The following DOCK8 variants were observed in gnomAD, a reference collection of about 807,000 sequenced individuals.
DOCK8 encodes the protein dedicator of cytokinesis 8.
In DOCK8, 141 loss-of-function variants were observed where a neutral mutation model predicts 245.6. The observed-to-expected ratio is 0.57, with a 90% CI of 0.50 to 0.66. DOCK8 has a LOEUF of 0.66. Among genes scored for constraint, DOCK8 ranks in the 30% least tolerant of loss-of-function variants. DOCK8 has a pLI of 0.00. For synonymous variants in DOCK8, 1,168 were observed against 970.2 expected (o/e 1.20, Z -3.79); for missense variants, 2,965 against 2,603.4 (o/e 1.14, Z -3.02).
Position 332,456 on chromosome 9 carries a change from T to C in DOCK8, c.1103T>C (p.Ile368Thr). The change falls in exon 10 of 48, where the codon ATC (isoleucine) becomes ACC (threonine). Residue 368 changes from isoleucine to threonine, a missense_variant. Transcript: ENST00000432829. ...IGDCAEPYTV[I>T]KESDGGKSKE... The stretch of plus-strand genomic sequence containing the variant: ...GACTGTGCAGAGCCCTACACGGTTA[T>C]CAAAGAAAGTGATGGTGGAAAGGTA... 1 of 1,612,982 alleles carries C rather than the reference T, an allele frequency of 6.2e-7. No homozygotes were observed.
intron 1 of DOCK8, among the ~76,000 whole-genome samples, chr9:254,346 A>G (rs1318646584): frequency 1.3e-5 from 2 of 152,200 alleles, no homozygotes; most frequent in Non-Finnish European, 2.9e-5. Context: ...AACTCTTGCT[A>G]TCTCGTTACT....
chr9:273,048 C>T (rs1473697241), intron 2 of DOCK8: 1 of 985,226 alleles, frequency 1.0e-6, no homozygotes, highest in East Asian at 1.1e-4. Context: ...CGGTAACCGC[C>T]ATTTTGTCTC....
At chr9:442,953 G>A (rs972155305) in intron 42 of DOCK8, among the ~76,000 whole-genome samples, 2 of 152,230 alleles carry the variant, frequency 1.3e-5, no homozygotes, top group African/African-American at 4.8e-5. Flanking sequence ...GGGTGGCTGG[G>A]TGAGTTGCCC....
chr9:300,293 T>C (rs1320803889), intron 4 of DOCK8, among the ~76,000 whole-genome samples: 3 of 152,226 alleles, frequency 2.0e-5, no homozygotes, highest in African/African-American at 7.2e-5. Flanking sequence ...GTATAATTGC[T>C]AGTAGCTCTC....
chr9:418,327 A>G (rs371564953), intron 30 of DOCK8, 120 bp downstream of exon 30: 1 of 1,370,192 alleles, frequency 7.3e-7, no homozygotes, highest in African/African-American at 1.4e-5. Context: ...GCTGGAGTGC[A>G]GTGGCGCAAT....
intron 4 of DOCK8, among the ~76,000 whole-genome samples, chr9:302,737 T>A (rs2049612366): frequency 6.6e-6 from 1 of 152,018 alleles, no homozygotes; most frequent in African/African-American, 2.4e-5. Flanking sequence ...CCAAAAAATA[T>A]ATGAAAAAAT....
chr9:454,566 T>A (rs1165004070), intron 46 of DOCK8: 2 of 152,112 alleles, frequency 1.3e-5, no homozygotes, highest in Non-Finnish European at 2.9e-5. Flanking sequence ...TGCACCGGGT[T>A]CCTCTAAGTC....
Position 463,669 on chromosome 9 carries a change from G to C in DOCK8, c.6221G>C (p.Arg2074Thr), listed in dbSNP as rs375011475. ...CCAGAACTGTACAAGCCAATATTCA[G>C]AGTTGAGAGTCAAAAGAGGTAAGAA... is the stretch of plus-strand genomic sequence containing the variant. ...KIPELYKPIF[R>T]VESQKRDSFH... The change falls in exon 47 of 48, where the codon AGA (arginine) becomes ACA (threonine). Residue 2074 changes from arginine (R) to threonine (T), a missense_variant. Around this residue, in one of 3 missense-constraint regions of DOCK8, gnomAD observed 134 missense variants for 128.1 expected, o/e 1.05. Coordinates refer to ENST00000432829, the MANE Select transcript of DOCK8 (RefSeq NM_203447.4). 67 of 1,613,824 alleles carry C rather than the reference G, an allele frequency of 4.2e-5. No homozygotes were observed. The African/African-American group carries it at 8.5e-4, about 21-fold the overall frequency.
intron 1 of DOCK8, among the ~76,000 whole-genome samples, chr9:220,039 G>A (rs1001353488): frequency 6.6e-6 from 1 of 152,236 alleles, no homozygotes; most frequent in Non-Finnish European, 1.5e-5. Context: ...ATGTATAGAT[G>A]TGTATCTGCA....
intron 4 of DOCK8, among the ~76,000 whole-genome samples, chr9:295,743 C>G (rs1475711058): frequency 6.6e-6 from 1 of 152,162 alleles, no homozygotes; most frequent in Admixed American, 6.5e-5. Flanking sequence ...TAGAGATAGG[C>G]TTTTATGTCC....
chr9:369,037 C>G (rs1244648386), intron 15 of DOCK8: 1 of 151,990 alleles, frequency 6.6e-6, no homozygotes, highest in Non-Finnish European at 1.5e-5. Context: ...AACTCCTGAC[C>G]TCAGCTGATC....
In DOCK8 at chr9:334,400, G is replaced by C. The variant is rs1388714435; in HGVS notation, c.1285+16G>C. On this transcript the variant is annotated intron_variant, in intron 11 of 47. Transcript: ENST00000432829. ...TCTGTGGTTGGTAAGATTTTCACCTGCAGTGGGAAAGGGAGGGCTCCCCAG... is the reference window on the plus strand; with the variant it reads ...TCTGTGGTTGGTAAGATTTTCACCTCCAGTGGGAAAGGGAGGGCTCCCCAG... The C allele has an allele frequency of 1.9e-6, 3 of 1,610,710 alleles. No homozygotes were observed.
chr9:232,221 C>T (rs547610790), intron 1 of DOCK8, among the ~76,000 whole-genome samples: 1 of 152,284 alleles, frequency 6.6e-6, no homozygotes, highest in Non-Finnish European at 1.5e-5. Flanking sequence ...TATGTTGAAC[C>T]AGCCTTGCAT....
rs1422065168 is a variant in DOCK8, at chr9:340,277, G to A, written c.1635G>A (p.Leu545=). Residue 545 remains leucine (L), a synonymous_variant, in exon 14 of 48, where the codon TTG becomes TTA. Transcript: ENST00000432829. The part of the protein sequence containing the change: ...ENRTRPHKEI[L]EFPTREVYVP... ...GGACACGCCCGCACAAAGAGATTTT[G>A]GAATTTCCAACACGAGAAGTATATG... is the stretch of plus-strand genomic sequence containing the variant. 1.2e-6 allele frequency: 2 copies of A among 1,614,012 alleles called. No homozygotes were observed. The highest frequency in any genetic ancestry group is 1.7e-6 in the Non-Finnish European group (2 of 1,180,028).
chr9:379,667 T>C, intron 20 of DOCK8, 104 bp from the exon 21 acceptor site: 1 of 1,288,202 alleles, frequency 7.8e-7, no homozygotes, highest in African/African-American at 1.5e-5. Flanking sequence ...CCTAGTTAAA[T>C]TGGTCAGCGG....
chr9:248,465 C>T (rs1025786710), intron 1 of DOCK8, among the ~76,000 whole-genome samples: 4 of 151,324 alleles, frequency 2.6e-5, no homozygotes, highest in African/African-American at 9.8e-5. Flanking sequence ...TTCCTTCCTT[C>T]CTCCCTCCCT....
chr9:381,891 C>A (rs1047988588), intron 21 of DOCK8, among the ~76,000 whole-genome samples: 1 of 151,238 alleles, frequency 6.6e-6, no homozygotes, highest in Admixed American at 6.6e-5. Context: ...ACCTGGGAGG[C>A]GGAGGTTGCA....
chr9:423,813 T>C (rs771649799), intron 33 of DOCK8, among the ~76,000 whole-genome samples: 1 of 152,154 alleles, frequency 6.6e-6, no homozygotes, highest in Non-Finnish European at 1.5e-5. Context: ...CAGAATTGCT[T>C]AGGTGGTTTA....
intron 29 of DOCK8, among the ~76,000 whole-genome samples, chr9:416,559 A>G (rs2056021866): frequency 6.6e-6 from 1 of 152,198 alleles, no homozygotes; most frequent in Admixed American, 6.5e-5. Context: ...AACAGTGAAA[A>G]GTATTTTATT....
Sources: gnomAD v4.1 joint callset for allele counts (sites outside exome capture counted in the v4.1 genomes callset) on GRCh38, gnomAD v4.1.1 for gene constraint, gnomAD v4.1.1 regional missense constraint, MANE v1.5 for transcripts, NCBI Gene and HGNC (gene_info 2026-07-23, HGNC 2026-07-21) for gene names.